WRNIP1: variants seen among roughly 807,000 people sequenced by gnomAD.
WRNIP1 encodes the protein ATPase WRNIP1.
Under a neutral mutation model 56.1 loss-of-function variants are expected in WRNIP1, and 41 were observed. That is an observed-to-expected ratio of 0.73 (90% CI 0.57 to 0.95). The LOEUF is 0.95. WRNIP1 is among the 40% of genes least tolerant of loss of function. The probability of loss-of-function intolerance (pLI) is 0.00; values close to 1 mark genes in which losing one functional copy is unlikely to be tolerated. For missense variants in WRNIP1, 1,170 were observed against 939.4 expected, an observed-to-expected ratio of 1.25 and a Z score of -3.21; for synonymous variants, 547 against 398.1, an observed-to-expected ratio of 1.37 and a Z score of -4.45.
chr6:2,773,996 C>G lies in WRNIP1; in HGVS notation c.1256+3635C>G, dbSNP rs372356665. 2.7e-5 allele frequency: 27 copies of G among 985,322 alleles called. No individual in the cohort carries two copies. In the East Asian group the frequency reaches 1.8e-3, roughly 66 times the overall value. 61.0% of individuals were successfully genotyped at this position (985,322 alleles called of 1,614,324 possible). A position where few individuals can be genotyped will look rare whatever the true frequency, so the allele number is the denominator to read the frequency against. On this transcript the variant is annotated intron_variant, in intron 3 of 6. Coordinates refer to ENST00000380773, the MANE Select transcript of WRNIP1 (RefSeq NM_020135.3). ...AGCCCCTGACAAGCTGGCCCCCAAACAAGGTGGCTATGGATTCTTCTTTTT... is the reference window on the plus strand; with the variant it reads ...AGCCCCTGACAAGCTGGCCCCCAAAGAAGGTGGCTATGGATTCTTCTTTTT...
At chr6:2,773,874 C>T (rs1029017112) in intron 3 of WRNIP1, 12 of 984,980 alleles carry the variant, frequency 1.2e-5, no homozygotes, top group South Asian at 4.7e-5. Context: ...GGCTGAGTTC[C>T]GAGAGGTGGT....
chr6:2,766,801 A>C (rs955538827), intron 1 of WRNIP1, among the ~76,000 whole-genome samples: 1 of 151,990 alleles, frequency 6.6e-6, no homozygotes, highest in Non-Finnish European at 1.5e-5. Flanking sequence ...TTCGCAAGGA[A>C]TCAGCATGTT....
intron 5 of WRNIP1, 34 bp from the exon 6 acceptor site, chr6:2,784,290 G>C: frequency 6.2e-7 from 1 of 1,601,608 alleles, no homozygotes; most frequent in South Asian, 1.1e-5. Context: ...TGTGTGTCAT[G>C]ACTGAAACTC....
At chr6:2,766,708 A>T (rs1043665766) in intron 1 of WRNIP1, among the ~76,000 whole-genome samples, 2 of 152,184 alleles carry the variant, frequency 1.3e-5, no homozygotes, top group Non-Finnish European at 2.9e-5. Flanking sequence ...TAGTTTTACA[A>T]GATGTGGACT....
Position 2,785,111 on chromosome 6 carries a change from G to T in WRNIP1, c.1827G>T (p.Gly609=), listed in dbSNP as rs145497162. 980 of 1,614,202 alleles carry T rather than the reference G, an allele frequency of 6.1e-4. 1 individual carries two copies. The highest frequency in any genetic ancestry group is 7.5e-4 in the Non-Finnish European group (890 of 1,180,036). The change falls in exon 7 of 7, where the codon GGG becomes GGT. Residue 609 remains glycine (G), a synonymous_variant. Coordinates refer to ENST00000380773, the MANE Select transcript of WRNIP1 (RefSeq NM_020135.3). Reference sequence around the variant, plus strand: ...AAGCCTGCCTGAGGAACCACCAGGGGCCACTGCCCCCCGTGCCCCTGCACC... The same window carrying T: ...AAGCCTGCCTGAGGAACCACCAGGGTCCACTGCCCCCCGTGCCCCTGCACC... ...NVKACLRNHQ[G]PLPPVPLHLR... is the part of the protein sequence containing the mutation.
Position 2,766,057 on chromosome 6 carries a change from C to T in WRNIP1, c.435C>T (p.Ala145=), listed in dbSNP as rs909505969. The T allele has an allele frequency of 2.6e-5, 34 of 1,292,436 alleles. No homozygotes were observed. Among genetic ancestry groups the T allele is most frequent in the African/African-American group, 1.4e-4 (9 of 64,568 alleles). The allele number at this position is 1,292,436 out of a possible 1,614,324, so 80.1% of individuals were successfully genotyped here. A position where few individuals can be genotyped will look rare whatever the true frequency, so the allele number is the denominator to read the frequency against. The change falls in exon 1 of 7, where the codon GCC becomes GCT. Residue 145 remains alanine, a synonymous_variant. Coordinates refer to ENST00000380773, the MANE Select transcript of WRNIP1 (RefSeq NM_020135.3). ...AGGGGTCGGGGAAGAGGCCGGCGGC[C>T]GCCGCCGCGGCGGGGAGCGCGTCTC... is the stretch of plus-strand genomic sequence containing the variant. ...GRKGSGKRPA[A]AAAAGSASPR... is the part of the protein sequence containing the mutation.
Position 2,766,131 on chromosome 6 carries a change from G to C in WRNIP1, c.509G>C (p.Gly170Ala), listed in dbSNP as rs772702011. Residue 170 changes from glycine (G) to alanine (A), a missense_variant, in exon 1 of 7, where the codon GGC becomes GCC. Gly to Ala is a moderately conservative substitution (Grantham distance 60, BLOSUM62 0). Transcript: ENST00000380773. ...GCGCAGGAGGAGGAGGAGGCCGTGG[G>C]CGACGGCGATGGCGACGGGGACGCG... ...AEAQEEEEAVGDGDGDGDADA... is the reference protein window; with the variant it reads ...AEAQEEEEAVADGDGDGDADA... The C allele has an allele frequency of 1.6e-6, 2 of 1,241,228 alleles. No individual in the cohort carries two copies. The highest frequency in any genetic ancestry group is 1.0e-6 in the Non-Finnish European group (1 of 971,660). 76.9% of individuals were successfully genotyped at this position (1,241,228 alleles called of 1,614,324 possible).
intron 3 of WRNIP1, chr6:2,774,138 A>G (rs1765377662): frequency 1.0e-6 from 1 of 985,316 alleles, no homozygotes; most frequent in Non-Finnish European, 1.2e-6. Flanking sequence ...AGTAGATGTC[A>G]ATCTTTTTAT....
rs1171054864 is a variant in WRNIP1, at chr6:2,768,858, T to G, written c.990T>G (p.Ile330Met). Residue 330 changes from isoleucine (I) to methionine (M), a missense_variant, in exon 2 of 7, where the codon ATT becomes ATG. By Grantham distance (10) the Ile-to-Met change is conservative. Transcript: ENST00000380773. ...KRKTILFIDE[I>M]HRFNKSQQDT... ...AAACCATCCTTTTTATTGATGAGAT[T>G]CATCGGTTCAATAAATCTCAGCAGG... is the stretch of plus-strand genomic sequence containing the variant. 1.9e-6 allele frequency: 3 copies of G among 1,611,870 alleles called. No homozygotes were observed. Among genetic ancestry groups the G allele is most frequent in the Non-Finnish European group, 1.7e-6 (2 of 1,179,268 alleles).
At chr6:2,778,128 G>A (rs1765474682) in intron 3 of WRNIP1, among the ~76,000 whole-genome samples, 1 of 152,166 alleles carries the variant, frequency 6.6e-6, no homozygotes, top group African/African-American at 2.4e-5. Context: ...GTATGCTGAG[G>A]AGTTCTGCAT....
chr6:2,773,869 A>T, intron 3 of WRNIP1: 1 of 985,296 alleles, frequency 1.0e-6, no homozygotes, highest in Non-Finnish European at 1.2e-6. Context: ...AGCTAGGCTG[A>T]GTTCCGAGAG....
chr6:2,767,573 A>C (rs1452700549), intron 1 of WRNIP1, among the ~76,000 whole-genome samples: 1 of 149,194 alleles, frequency 6.7e-6, no homozygotes, highest in African/African-American at 2.6e-5. Context: ...ATAACATCTT[A>C]TGATGATGGT....
At chr6:2,782,778 G>A (rs1419189926) in intron 4 of WRNIP1, among the ~76,000 whole-genome samples, 1 of 152,188 alleles carries the variant, frequency 6.6e-6, no homozygotes, top group Non-Finnish European at 1.5e-5. Flanking sequence ...GGAGTAGTAA[G>A]ACCAGGCGGT....
intron 4 of WRNIP1, 130 bp from the exon 5 acceptor site, chr6:2,783,276 C>A (rs372361987): frequency 9.5e-7 from 1 of 1,057,820 alleles, no homozygotes; most frequent in Admixed American, 3.1e-5. Context: ...AGGCAGCTGC[C>A]CAAACCTCTC....
intron 3 of WRNIP1, chr6:2,773,921 G>C (rs1262545495): frequency 1.0e-6 from 1 of 985,194 alleles, no homozygotes; most frequent in Non-Finnish European, 1.2e-6. Context: ...CTGGGTAAGG[G>C]CTGTGGCGTA....
At chr6:2,770,410 T>C (rs761459743) in intron 3 of WRNIP1, 49 bp downstream of exon 3, 2 of 1,602,464 alleles carry the variant, frequency 1.2e-6, no homozygotes, top group Non-Finnish European at 1.7e-6. Context: ...TCCCAGAGAG[T>C]CTCCTGGCAG....
chr6:2,770,230 T>G lies in WRNIP1; in HGVS notation c.1125T>G (p.Ile375Met). Reference sequence around the variant, plus strand: ...CTCTTCTGAGCCGCTGTCGAGTGATTGTTCTTGAGAAGCTTCCAGTAGAGG... The same window carrying G: ...CTCTTCTGAGCCGCTGTCGAGTGATGGTTCTTGAGAAGCTTCCAGTAGAGG... ...NAALLSRCRV[I>M]VLEKLPVEAM... Residue 375 changes from isoleucine to methionine, a missense_variant, in exon 3 of 7, where the codon ATT becomes ATG. Physicochemically the swap from Ile to Met is conservative, Grantham distance 10. Transcript: ENST00000380773. The G allele has an allele frequency of 6.2e-7, 1 of 1,614,218 alleles. No homozygotes were observed. The highest frequency in any genetic ancestry group is 8.5e-7 in the Non-Finnish European group (1 of 1,180,030).
intron 1 of WRNIP1, among the ~76,000 whole-genome samples, chr6:2,767,465 C>A (rs866011644): frequency 6.6e-6 from 1 of 152,222 alleles, no homozygotes; most frequent in Non-Finnish European, 1.5e-5. Flanking sequence ...AAGCACACCC[C>A]CTTTAACTCC....
chr6:2,774,056 G>A (rs1765376356), intron 3 of WRNIP1: 3 of 985,392 alleles, frequency 3.0e-6, no homozygotes, highest in Non-Finnish European at 3.6e-6. Flanking sequence ...AACCTTTTGT[G>A]CCATTGAATA....
Sources: allele counts gnomAD v4.1 joint callset (sites outside exome capture counted in the v4.1 genomes callset), GRCh38; gene constraint gnomAD v4.1.1; transcripts MANE v1.5; gene names NCBI Gene and HGNC (gene_info 2026-07-23, HGNC 2026-07-21).